Variants in KMT2B observed in about 807,000 individuals in gnomAD.
KMT2B encodes the protein lysine methyltransferase 2B, also known as histone-lysine N-methyltransferase 2B.
In KMT2B, 22 loss-of-function variants were observed where a neutral mutation model predicts 255.3. The ratio of observed to expected loss-of-function variants is 0.09; its 90% CI spans 0.06 to 0.12. The LOEUF is 0.12. KMT2B is among the 10% of genes least tolerant of loss of function. The probability of loss-of-function intolerance (pLI) is 1.00; values close to 1 mark genes in which losing one functional copy is unlikely to be tolerated. For missense variants in KMT2B, 3,149 were observed against 3,737.0 expected (o/e 0.84, Z 4.10); for synonymous variants, 1,730 against 1,498.1 (o/e 1.15, Z -3.57).
rs1280773352 is a variant in KMT2B, at chr19:35,721,604, C to T, written c.2257C>T (p.Leu753=). 1.9e-6 allele frequency: 3 copies of T among 1,612,280 alleles called. No individual in the cohort carries two copies. The highest frequency in any genetic ancestry group is 2.7e-5 in the African/African-American group (2 of 74,936). The change falls in exon 3 of 37, where the codon CTA becomes TTA. Residue 753 remains leucine (L), a synonymous_variant. Transcript: ENST00000420124. ...GCAAACCCAGCTCCTGCCCCAGGCA[C>T]TACCGCCACCACAGCCACAGCTGCA... The part of the protein sequence containing the change: ...ALQTQLLPQA[L]PPPQPQLQPP...
In KMT2B at chr19:35,721,469, G is replaced by A. The variant is rs753909605; in HGVS notation, c.2122G>A (p.Ala708Thr). Reference protein sequence around the residue: ...RTNHLSLPRFAPVVTTPVKAE... With the variant: ...RTNHLSLPRFTPVVTTPVKAE... ...CAACCACCTCAGCCTGCCTCGATTC[G>A]CCCCTGTGGTCACCACTCCTGTTAA... Residue 708 changes from alanine to threonine, a missense_variant, in exon 3 of 37, where the codon GCC becomes ACC. By Grantham distance (58) the Ala-to-Thr change is moderately conservative (BLOSUM62 0). This residue lies in a region of KMT2B where 1,188 missense variants were observed against 1,106.4 expected (regional missense o/e 1.07). Transcript: ENST00000420124. 10 of 1,612,210 alleles carry A rather than the reference G, an allele frequency of 6.2e-6. No individual in the cohort carries two copies. Among genetic ancestry groups the A allele is most frequent in the South Asian group, 1.1e-5 (1 of 91,062 alleles).
chr19:35,727,284 C>A lies in KMT2B; in HGVS notation c.4117+15C>A, dbSNP rs781266147. On this transcript the variant is annotated intron_variant, in intron 15 of 36. Transcript: ENST00000420124. This position sits in a 1 kb window ranked among gnomAD's most constrained non-coding sequence, Gnocchi z 4.2. ...GGGGCTCTCAGGTGAGTCAGTGGAG[C>A]ACCTGGGCTGCAGCCTCAACCCTGT... is the stretch of plus-strand genomic sequence containing the variant. 5.0e-6 allele frequency: 8 copies of A among 1,603,806 alleles called. No homozygotes were observed. The Admixed American group carries it at 1.3e-4, about 27-fold the overall frequency.
At position 35,732,317 on chromosome 19, in the gene KMT2B, C is replaced by T. The variant is rs780917089; in HGVS notation, c.5768C>T (p.Pro1923Leu). The change falls in exon 28 of 37, where the codon CCG becomes CTG. Residue 1923 changes from proline to leucine, a missense_variant. By Grantham distance (98) the Pro-to-Leu change is moderately conservative. Coordinates refer to ENST00000420124, the MANE Select transcript of KMT2B (RefSeq NM_014727.3). ...CGTCCCAGCCCTTTGGCTCCCAGGCCGCCTCCATCACGGTGGGCCTCCCCT... is the reference window on the plus strand; with the variant it reads ...CGTCCCAGCCCTTTGGCTCCCAGGCTGCCTCCATCACGGTGGGCCTCCCCT... ...SRRPSPLAPR[P>L]PPSRWASPPL... 31 of 1,611,120 alleles carry T rather than the reference C, an allele frequency of 1.9e-5. No homozygotes were observed. Among genetic ancestry groups the T allele is most frequent in the South Asian group, 6.6e-5 (6 of 90,436 alleles).
In KMT2B at chr19:35,737,502, C is replaced by A. The variant is rs1230468530; in HGVS notation, c.7551-134C>A. On this transcript the variant is annotated intron_variant, in intron 33 of 36. Transcript: ENST00000420124. The surrounding 1 kb of genome is among the most constrained non-coding windows in gnomAD (Gnocchi z 5.3). Reference sequence around the variant, plus strand: ...TTGGAGACCAGCGTAGGCAACATGGCAAAACCCCATCTCTAAAATAAAAAT... The same window carrying A: ...TTGGAGACCAGCGTAGGCAACATGGAAAAACCCCATCTCTAAAATAAAAAT... The A allele has an allele frequency of 9.2e-6, 7 of 762,758 alleles. No individual in the cohort carries two copies. The highest frequency in any genetic ancestry group is 1.2e-5 in the Non-Finnish European group (6 of 483,632). The allele number at this position is 762,758 out of a possible 1,614,324, so 47.2% of individuals were successfully genotyped here. A position where few individuals can be genotyped will look rare whatever the true frequency, so the allele number is the denominator to read the frequency against.
Position 35,737,418 on chromosome 19 carries a change from A to C in KMT2B, c.7550+155A>C. 1 of 939,726 alleles carries C rather than the reference A, an allele frequency of 1.1e-6. No homozygotes were observed. The highest frequency in any genetic ancestry group is 1.5e-6 in the Non-Finnish European group (1 of 650,636). The allele number at this position is 939,726 out of a possible 1,614,324, so 58.2% of individuals were successfully genotyped here. Reference sequence around the variant, plus strand: ...TAGAGTTAGCCAGGCTCCGTGGCTCATGCCTGTAATCCCGCCACTTTGGGA... The same window carrying C: ...TAGAGTTAGCCAGGCTCCGTGGCTCCTGCCTGTAATCCCGCCACTTTGGGA... On this transcript the variant is annotated intron_variant, in intron 33 of 36. Coordinates refer to ENST00000420124, the MANE Select transcript of KMT2B (RefSeq NM_014727.3). This position sits in a 1 kb window ranked among gnomAD's most constrained non-coding sequence, Gnocchi z 5.3.
In KMT2B at chr19:35,737,759, T is replaced by C. The variant is rs746633164; in HGVS notation, c.7658+16T>C. 29 of 1,561,132 alleles carry C rather than the reference T, an allele frequency of 1.9e-5. No homozygotes were observed. Among genetic ancestry groups the C allele is most frequent in the Non-Finnish European group, 1.7e-6 (2 of 1,151,470 alleles). ...GGTCAACCAGGTATGGAGTGTGAGC[T>C]GGGGGGCGGGTGGTGGTCTGGAAGG... is the stretch of plus-strand genomic sequence containing the variant. On this transcript the variant is annotated intron_variant, in intron 34 of 36. Coordinates refer to ENST00000420124, the MANE Select transcript of KMT2B (RefSeq NM_014727.3). This position sits in a 1 kb window ranked among gnomAD's most constrained non-coding sequence, Gnocchi z 5.3.
At position 35,738,305 on chromosome 19, in the gene KMT2B, C is replaced by T. The variant is rs570704196; in HGVS notation, c.7896C>T (p.Arg2632=). The T allele has an allele frequency of 2.5e-6, 4 of 1,613,876 alleles. No homozygotes were observed. In the Admixed American group the frequency reaches 6.7e-5, roughly 27 times the overall value. Residue 2632 remains arginine, a synonymous_variant, in exon 37 of 37, where the codon CGC becomes CGT. Coordinates refer to ENST00000420124, the MANE Select transcript of KMT2B (RefSeq NM_014727.3). The surrounding 1 kb of genome is among the most constrained non-coding windows in gnomAD (Gnocchi z 8.7). ...DGKGIGCYMF[R]MDDFDVVDAT... ...AGGGCATCGGGTGCTATATGTTCCG[C>T]ATGGATGACTTTGATGTAGTGGACG... is the stretch of plus-strand genomic sequence containing the variant.
intron 24 of KMT2B, 22 bp from the exon 25 acceptor site, chr19:35,730,516 T>C (rs1477617210): frequency 1.2e-6 from 2 of 1,613,918 alleles, no homozygotes; most frequent in Admixed American, 1.7e-5. Context: ...CTGCCTCTCC[T>C]GACCTCCGCT....
In KMT2B at chr19:35,733,204, C is replaced by T. The variant is rs1226498608; in HGVS notation, c.6655C>T (p.Pro2219Ser). ...EPVPPPVKQP[P>S]LPPTISPTAP... ...TGTCCCACCCCCAGTGAAGCAGCCA[C>T]CTTTGCCCCCCACCATTTCCCCCAC... Residue 2219 changes from proline (P) to serine (S), a missense_variant, in exon 28 of 37, where the codon CCT becomes TCT. Physicochemically the swap from Pro to Ser is moderately conservative, Grantham distance 74. Around this residue, in one of 18 missense-constraint regions of KMT2B, gnomAD observed 897 missense variants for 825.3 expected, o/e 1.09. Coordinates refer to ENST00000420124, the MANE Select transcript of KMT2B (RefSeq NM_014727.3). The surrounding 1 kb of genome is among the most constrained non-coding windows in gnomAD (Gnocchi z 4.3). 2 of 1,518,424 alleles carry T rather than the reference C, an allele frequency of 1.3e-6. No homozygotes were observed. Among genetic ancestry groups the T allele is most frequent in the Admixed American group, 3.9e-5 (2 of 51,776 alleles). 94.1% of individuals were successfully genotyped at this position (1,518,424 alleles called of 1,614,324 possible).
In KMT2B at chr19:35,725,291, C is replaced by T; in HGVS notation, c.3600C>T (p.Pro1200=). The T allele has an allele frequency of 6.3e-7, 1 of 1,578,854 alleles. No homozygotes were observed. Among genetic ancestry groups the T allele is most frequent in the Non-Finnish European group, 8.6e-7 (1 of 1,162,808 alleles). ...LSVLTSVPGG[P]PMVCLLCASK... is the part of the protein sequence containing the mutation. ...TGCTCACCTCTGTGCCAGGGGGCCC[C>T]CCGATGGTGTGCTTGCTGTGTGCCA... Residue 1200 remains proline (P), a synonymous_variant, in exon 11 of 37, where the codon CCC becomes CCT. Coordinates refer to ENST00000420124, the MANE Select transcript of KMT2B (RefSeq NM_014727.3). The surrounding 1 kb of genome is among the most constrained non-coding windows in gnomAD (Gnocchi z 4.1).
chr19:35,737,588 GCT>G lies in KMT2B; in HGVS notation c.7551-45_7551-44del. ...ATGAACCCCACCCATTTCCCTGTTA[GCT>G]CTGTCTTCAACAGTATATTCCTCCT... is the stretch of plus-strand genomic sequence containing the variant. On this transcript the variant is annotated intron_variant, in intron 33 of 36. Coordinates refer to ENST00000420124, the MANE Select transcript of KMT2B (RefSeq NM_014727.3). This position sits in a 1 kb window ranked among gnomAD's most constrained non-coding sequence, Gnocchi z 5.3. The G allele has an allele frequency of 7.9e-7, 1 of 1,257,938 alleles. No homozygotes were observed. The highest frequency in any genetic ancestry group is 1.5e-5 in the African/African-American group (1 of 66,658). 77.9% of individuals were successfully genotyped at this position (1,257,938 alleles called of 1,614,324 possible).
chr19:35,733,706 T>G lies in KMT2B; in HGVS notation c.7049+20T>G, dbSNP rs1969814278. 6.2e-7 allele frequency: 1 copy of G among 1,604,418 alleles called. No homozygotes were observed. On this transcript the variant is annotated intron_variant, in intron 29 of 36. Transcript: ENST00000420124. This position sits in a 1 kb window ranked among gnomAD's most constrained non-coding sequence, Gnocchi z 4.3. ...TCCTGGGTGAGTGGCCAGGCCCCTC[T>G]CCCTGGAGGGTCTGGGACCTCTGTC...
chr19:35,721,447 C>G lies in KMT2B; in HGVS notation c.2100C>G (p.Asn700Lys). The stretch of plus-strand genomic sequence containing the variant: ...AGCCTCGGGCAGTGGGCCGCACCAA[C>G]CACCTCAGCCTGCCTCGATTCGCCC... ...EPEPRAVGRTNHLSLPRFAPV... is the reference protein window; with the variant it reads ...EPEPRAVGRTKHLSLPRFAPV... The change falls in exon 3 of 37, where the codon AAC (asparagine) becomes AAG (lysine). Residue 700 changes from asparagine (N) to lysine (K), a missense_variant. Asn to Lys is a moderately conservative substitution (Grantham distance 94, BLOSUM62 0). Coordinates refer to ENST00000420124, the MANE Select transcript of KMT2B (RefSeq NM_014727.3). 1 of 1,612,668 alleles carries G rather than the reference C, an allele frequency of 6.2e-7. No homozygotes were observed. The highest frequency in any genetic ancestry group is 2.2e-5 in the East Asian group (1 of 44,866).
chr19:35,724,571 T>C, intron 8 of KMT2B, 66 bp from the exon 9 acceptor site: 1 of 1,307,038 alleles, frequency 7.7e-7, no homozygotes, highest in Non-Finnish European at 1.1e-6. Context: ...CAGGTAACAT[T>C]TGGGGTTGTA....
intron 25 of KMT2B, 21 bp downstream of exon 25, chr19:35,730,637 A>G (rs1478548625): frequency 3.7e-6 from 6 of 1,613,804 alleles, no homozygotes; most frequent in African/African-American, 1.3e-5. Context: ...GGGGTGATCC[A>G]TGGGGCCAGG....
At position 35,732,116 on chromosome 19, in the gene KMT2B, T is replaced by C; in HGVS notation, c.5646T>C (p.Phe1882=). The change falls in exon 27 of 37, where the codon TTT becomes TTC. Residue 1882 remains phenylalanine (F), a synonymous_variant. Transcript: ENST00000420124. ...GGAGGCCCTTGGGGGGTGTCTCCTT[T>C]GGCCCCCTGCCCTCCCCTGGTGAGC... ...PSRRPLGGVS[F]GPLPSPGSPS... The C allele has an allele frequency of 1.3e-6, 2 of 1,598,144 alleles. No homozygotes were observed. Among genetic ancestry groups the C allele is most frequent in the Non-Finnish European group, 8.5e-7 (1 of 1,172,566 alleles).
Position 35,737,759 on chromosome 19 carries a change from TG to T in KMT2B, c.7658+22del. On this transcript the variant is annotated intron_variant, in intron 34 of 36. Coordinates refer to ENST00000420124, the MANE Select transcript of KMT2B (RefSeq NM_014727.3). The surrounding 1 kb of genome is among the most constrained non-coding windows in gnomAD (Gnocchi z 5.3). ...GGTCAACCAGGTATGGAGTGTGAGC[TG>T]GGGGGCGGGTGGTGGTCTGGAAGGG... 1.3e-6 allele frequency: 2 copies of T among 1,561,238 alleles called. No individual in the cohort carries two copies. The highest frequency in any genetic ancestry group is 8.7e-7 in the Non-Finnish European group (1 of 1,151,454).
chr19:35,725,557 C>T lies in KMT2B; in HGVS notation c.3721C>T (p.His1241Tyr). ...EEAERPLPQH[H>Y]DTWCCRRCKF... ...GGCCGAGCGGCCCCTGCCCCAGCATCACGACACCTGGTGCTGCCGTCGCTG... is the reference window on the plus strand; with the variant it reads ...GGCCGAGCGGCCCCTGCCCCAGCATTACGACACCTGGTGCTGCCGTCGCTG... Residue 1241 changes from histidine (H) to tyrosine (Y), a missense_variant, in exon 12 of 37, where the codon CAC becomes TAC. This residue lies in a region of KMT2B where 42 missense variants were observed against 121.0 expected (regional missense o/e 0.35). Coordinates refer to ENST00000420124, the MANE Select transcript of KMT2B (RefSeq NM_014727.3). The surrounding 1 kb of genome is among the most constrained non-coding windows in gnomAD (Gnocchi z 4.1). 1 of 1,610,892 alleles carries T rather than the reference C, an allele frequency of 6.2e-7. No homozygotes were observed. The highest frequency in any genetic ancestry group is 8.5e-7 in the Non-Finnish European group (1 of 1,179,882).
In KMT2B at chr19:35,729,951, G is replaced by A; in HGVS notation, c.4918-16G>A. ...CCAGCCCTGGCTTCTCCCCTGAGCT[G>A]CCCTCCCCTACGCAGCGCTGCGAGC... On this transcript the variant is annotated splice_polypyrimidine_tract_variant and intron_variant, in intron 22 of 36. Transcript: ENST00000420124. 6.2e-7 allele frequency: 1 copy of A among 1,607,982 alleles called. No individual in the cohort carries two copies.
Sources: allele counts gnomAD v4.1 joint callset, GRCh38; gene constraint gnomAD v4.1.1; regional missense constraint gnomAD v4.1.1; non-coding constraint Gnocchi (gnomAD v3.1); transcripts MANE v1.5; gene names NCBI Gene and HGNC (gene_info 2026-07-23, HGNC 2026-07-21).